CHD9: variants seen among roughly 807,000 people sequenced by gnomAD.
CHD9 encodes the protein ATP-dependent chromatin remodeler CHD9.
CHD9 carries 77 observed loss-of-function variants against 316.1 expected under a neutral mutation model. That is an observed-to-expected ratio of 0.24 (90% CI 0.20 to 0.29). CHD9 has a LOEUF of 0.29. Ranked by LOEUF, CHD9 falls within the 10% of genes least tolerant of loss-of-function variation. The pLI is 1.00. For synonymous variants in CHD9, 1,129 were observed against 1,158.3 expected (o/e 0.97, Z 0.51); for missense variants, 2,763 against 3,438.1 (o/e 0.80, Z 4.91).
At chr16:53,237,010 A>G (rs1452023281) in intron 11 of CHD9, among the ~76,000 whole-genome samples, 2 of 151,172 alleles carry the variant, frequency 1.3e-5, no homozygotes, top group Non-Finnish European at 3.0e-5. Context: ...AAGGTCTTGA[A>G]CTCTGGGCCC....
chr16:53,304,738 A>G, intron 31 of CHD9, 113 bp downstream of exon 31: 1 of 925,248 alleles, frequency 1.1e-6, no homozygotes, highest in East Asian at 2.8e-5. Flanking sequence ...CTTGTTGCCC[A>G]GGCTGGAGTG....
At chr16:53,273,575 T>C in intron 22 of CHD9, 51 bp from the exon 23 acceptor site, 2 of 1,400,500 alleles carry the variant, frequency 1.4e-6, no homozygotes, top group East Asian at 5.0e-5. Flanking sequence ...TCTTTCAGAT[T>C]GCAAATTTTT....
rs555527026 is a variant in CHD9 at position 53,266,149 on chromosome 16, G to A, written c.4321-1145G>A. 4.2e-4 allele frequency among the ~76,000 whole-genome samples: 63 copies of A among 151,676 alleles called. No individual in the cohort carries two copies. In the South Asian group the frequency reaches 0.013, roughly 30 times the overall value. Reference sequence around the variant, plus strand: ...GATCCATCAGTGAATTCTAAAATTAGTGGGTAAAAGTTTAAGGAGACACAA... The same window carrying A: ...GATCCATCAGTGAATTCTAAAATTAATGGGTAAAAGTTTAAGGAGACACAA... On this transcript the variant is annotated intron_variant, in intron 20 of 38. Coordinates refer to ENST00000447540, the MANE Select transcript of CHD9 (RefSeq NM_001308319.2).
In CHD9 at chr16:53,209,781, A is replaced by G. The variant is rs949344671; in HGVS notation, c.1752A>G (p.Thr584=). 4.4e-6 allele frequency: 7 copies of G among 1,600,102 alleles called. No homozygotes were observed. In the African/African-American group the frequency reaches 9.4e-5, roughly 22 times the overall value. The change falls in exon 3 of 39, where the codon ACA becomes ACG. Residue 584 remains threonine, a synonymous_variant. Coordinates refer to ENST00000447540, the MANE Select transcript of CHD9 (RefSeq NM_001308319.2). ...ACAAAGACAGCAAAAAAACAAAAACATGTTCTAAGTTAAAAGAGAAGACAA... is the reference window on the plus strand; with the variant it reads ...ACAAAGACAGCAAAAAAACAAAAACGTGTTCTAAGTTAAAAGAGAAGACAA... ...PKDKDSKKTK[T]CSKLKEKTKI...
intron 19 of CHD9, among the ~76,000 whole-genome samples, chr16:53,261,194 A>G (rs1426830668): frequency 6.6e-6 from 1 of 151,944 alleles, no homozygotes. Flanking sequence ...TTTGAAACAC[A>G]GTATTTAACA....
At chr16:53,238,017 TCTC>T (rs2152939711) in intron 11 of CHD9, among the ~76,000 whole-genome samples, 1 of 152,278 alleles carries the variant, frequency 6.6e-6, no homozygotes, top group South Asian at 2.1e-4. Context: ...TATCCCATCT[TCTC>T]ATACTGTCCT....
intron 19 of CHD9, among the ~76,000 whole-genome samples, chr16:53,258,095 C>G (rs2050764628): frequency 6.6e-6 from 1 of 151,986 alleles, no homozygotes; most frequent in Non-Finnish European, 1.5e-5. Context: ...TCTTGGCTTC[C>G]TTATTTAACA....
At chr16:53,118,815 CAG>C (rs2038517848) in intron 1 of CHD9, among the ~76,000 whole-genome samples, 1 of 95,206 alleles carries the variant, frequency 1.1e-5, no homozygotes, top group Non-Finnish European at 2.4e-5. Context: ...TTTTTTTTGA[CAG>C]AGTCTTGCTC....
chr16:53,101,214 A>C (rs113215527), intron 1 of CHD9, among the ~76,000 whole-genome samples: 1 of 152,058 alleles, frequency 6.6e-6, no homozygotes, highest in African/African-American at 2.4e-5. Flanking sequence ...CATAAGATGG[A>C]TAAAAACCTG....
intron 1 of CHD9, among the ~76,000 whole-genome samples, chr16:53,150,053 T>G (rs2040969531): frequency 6.6e-6 from 1 of 152,154 alleles, no homozygotes; most frequent in African/African-American, 2.4e-5. Flanking sequence ...TTTTATCCAT[T>G]CTGCTAATCT....
intron 1 of CHD9, among the ~76,000 whole-genome samples, chr16:53,058,998 G>T (rs1356087543): frequency 1.3e-5 from 2 of 152,134 alleles, no homozygotes; most frequent in African/African-American, 4.8e-5. Flanking sequence ...GGCTACAGGT[G>T]CACACCATCA....
In CHD9 at chr16:53,325,620, T is replaced by C. The variant is rs1037147359; in HGVS notation, c.*725T>C. 1 of 152,590 alleles carries C rather than the reference T, an allele frequency of 6.6e-6. No homozygotes were observed. Among genetic ancestry groups the C allele is most frequent in the African/African-American group, 2.4e-5 (1 of 41,438 alleles). The allele number at this position is 152,590 out of a possible 1,614,324, so 9.5% of individuals were successfully genotyped here. ...CTTTTTGCTGAGCTTAATTCAGATATCAGTAAAATTAAGTCATAAAATAAT... is the reference window on the plus strand; with the variant it reads ...CTTTTTGCTGAGCTTAATTCAGATACCAGTAAAATTAAGTCATAAAATAAT... On this transcript the variant is annotated 3_prime_UTR_variant, in exon 39 of 39. Transcript: ENST00000447540.
At chr16:53,260,069 G>A (rs972942262) in intron 19 of CHD9, among the ~76,000 whole-genome samples, 1 of 152,198 alleles carries the variant, frequency 6.6e-6, no homozygotes, top group Non-Finnish European at 1.5e-5. Flanking sequence ...TTAGATGTCT[G>A]TTCCTCATAC....
chr16:53,303,906 A>G lies in CHD9; in HGVS notation c.5900A>G (p.Asp1967Gly). 1 of 1,613,982 alleles carries G rather than the reference A, an allele frequency of 6.2e-7. No individual in the cohort carries two copies. Among genetic ancestry groups the G allele is most frequent in the Non-Finnish European group, 8.5e-7 (1 of 1,179,886 alleles). The part of the protein sequence containing the change: ...LPVWWECGPH[D>G]RDLLIGAAKH... Reference sequence around the variant, plus strand: ...GTCTGGTGGGAATGTGGCCCTCATGATAGGGATTTGCTTATTGGTGCTGCC... The same window carrying G: ...GTCTGGTGGGAATGTGGCCCTCATGGTAGGGATTTGCTTATTGGTGCTGCC... Residue 1967 changes from aspartate (D) to glycine (G), a missense_variant, in exon 31 of 39, where the codon GAT becomes GGT. Physicochemically the swap from Asp to Gly is moderately conservative, Grantham distance 94 (BLOSUM62 -1). Coordinates refer to ENST00000447540, the MANE Select transcript of CHD9 (RefSeq NM_001308319.2).
intron 1 of CHD9, among the ~76,000 whole-genome samples, chr16:53,063,084 C>A (rs2033095464): frequency 6.6e-6 from 1 of 151,786 alleles, no homozygotes; most frequent in South Asian, 2.1e-4. Context: ...AAATACCCAC[C>A]ACTTACTGGG....
At chr16:53,318,075 AAAG>A (rs1484267750) in intron 36 of CHD9, 134 bp from the exon 37 acceptor site, 9 of 640,906 alleles carry the variant, frequency 1.4e-5, no homozygotes, top group Admixed American at 7.4e-5. Flanking sequence ...ATAAAATAAA[AAAG>A]TTTAGATATT....
chr16:53,136,468 T>G (rs2039716410), intron 1 of CHD9, among the ~76,000 whole-genome samples: 1 of 152,110 alleles, frequency 6.6e-6, no homozygotes, highest in African/African-American at 2.4e-5. Flanking sequence ...ATTTTTTGAT[T>G]CTGTCTTTGC....
intron 1 of CHD9, among the ~76,000 whole-genome samples, chr16:53,125,218 A>AAT (rs2038918497): frequency 2.1e-5 from 2 of 95,760 alleles, no homozygotes; most frequent in Admixed American, 2.6e-4. Flanking sequence ...TCAAGTTAGG[A>AAT]TTTTTTTTTT....
intron 1 of CHD9, among the ~76,000 whole-genome samples, chr16:53,123,303 C>G (rs1007915437): frequency 6.6e-6 from 1 of 151,568 alleles, no homozygotes; most frequent in Non-Finnish European, 1.5e-5. Flanking sequence ...TTTATTGCCC[C>G]CCAGAAGAAA....
Sources: allele counts gnomAD v4.1 joint callset (sites outside exome capture counted in the v4.1 genomes callset), GRCh38; gene constraint gnomAD v4.1.1; transcripts MANE v1.5; gene names NCBI Gene and HGNC (gene_info 2026-07-23, HGNC 2026-07-21).